HMHB1: variants seen among roughly 807,000 people sequenced by gnomAD.
The protein encoded by HMHB1 is histocompatibility minor HB-1.
In HMHB1, 4 loss-of-function variants were observed where a neutral mutation model predicts 2.4. The ratio of observed to expected loss-of-function variants is 1.65; its 90% confidence interval spans 0.81 to 3.77. The LOEUF is 3.77. HMHB1 is among the 30% of genes most tolerant of loss of function. The pLI is 0.01. For synonymous variants in HMHB1, 22 were observed against 17.6 expected (o/e 1.25, Z -0.63); for missense variants, 57 against 44.2 (o/e 1.29, Z -0.82).
rs2126795248 is a variant in HMHB1 at position 143,820,638 on chromosome 5, TGAA to T, written c.*76_*78del. On this transcript the variant is annotated 3_prime_UTR_variant, in exon 2 of 2. Transcript: ENST00000289448. ...ATGAGCAGGGACAAATTGCTGAGCA[TGAA>T]GAAGAGTAAAATTAAGCAAGTGGAA... The T allele has an allele frequency of 1.0e-6, 1 of 959,940 alleles. No individual in the cohort carries two copies. Among genetic ancestry groups the T allele is most frequent in the Non-Finnish European group, 1.7e-6 (1 of 590,544 alleles). The allele number at this position is 959,940 out of a possible 1,614,324, so 59.5% of individuals were successfully genotyped here.
intron 1 of HMHB1, among the ~76,000 whole-genome samples, chr5:143,814,669 A>C (rs935672201): frequency 2.0e-5 from 3 of 152,196 alleles, no homozygotes; most frequent in African/African-American, 7.2e-5. Context: ...AATCGTCTCT[A>C]ATTATATTTA....
At chr5:143,814,038 A>T (rs940817573) in intron 1 of HMHB1, among the ~76,000 whole-genome samples, 5 of 152,178 alleles carry the variant, frequency 3.3e-5, no homozygotes, top group African/African-American at 9.7e-5. Context: ...CATCATTCTT[A>T]CTGACATGCA....
At chr5:143,817,410 A>G (rs1759760229) in intron 1 of HMHB1, among the ~76,000 whole-genome samples, 3 of 152,132 alleles carry the variant, frequency 2.0e-5, no homozygotes, top group African/African-American at 4.8e-5. Flanking sequence ...ATCCAGTTTC[A>G]TTCTCCTACA....
intron 1 of HMHB1, among the ~76,000 whole-genome samples, chr5:143,812,849 A>G (rs1561936371): frequency 6.6e-6 from 1 of 152,168 alleles, no homozygotes; most frequent in African/African-American, 2.4e-5. Context: ...TGAGGGGGGT[A>G]TAGCTTTCCC....
chr5:143,815,681 C>T (rs1759739613), intron 1 of HMHB1, among the ~76,000 whole-genome samples: 1 of 150,632 alleles, frequency 6.6e-6, no homozygotes, highest in Non-Finnish European at 1.5e-5. Context: ...GTGAGCGCCA[C>T]CATGCCTGGC....
At chr5:143,818,143 T>C (rs1759769438) in intron 1 of HMHB1, among the ~76,000 whole-genome samples, 2 of 152,180 alleles carry the variant, frequency 1.3e-5, no homozygotes, top group African/African-American at 4.8e-5. Context: ...TGCAATTCTG[T>C]TCAAAAAATT....
In HMHB1 at chr5:143,820,540, A is replaced by T; in HGVS notation, c.98A>T (p.His33Leu). 6.2e-7 allele frequency: 1 copy of T among 1,613,000 alleles called. No individual in the cohort carries two copies. Among genetic ancestry groups the T allele is most frequent in the Non-Finnish European group, 8.5e-7 (1 of 1,179,120 alleles). The change falls in exon 2 of 2, where the codon CAC becomes CTC. Residue 33 changes from histidine to leucine, a missense_variant. Transcript: ENST00000289448. ...GTTGAAGATGATGTGTATCTGAGGC[A>T]CAGCTCTTCCCTGACTTATAGGCTT... is the stretch of plus-strand genomic sequence containing the variant.
intron 1 of HMHB1, among the ~76,000 whole-genome samples, chr5:143,815,518 T>C (rs71590969): frequency 6.6e-6 from 1 of 151,782 alleles, no homozygotes; most frequent in Non-Finnish European, 1.5e-5. Context: ...TTTTTCCTTG[T>C]ATTTTTTTCT....
rs1759775207 is a variant in HMHB1 at position 143,818,749 on chromosome 5, A to G, written c.38-1731A>G. ...GTGTTTAGCCAGTTGCTTGACACATAGCGAGTACTTGCTATTTTTTTTTTC... is the reference window on the plus strand; with the variant it reads ...GTGTTTAGCCAGTTGCTTGACACATGGCGAGTACTTGCTATTTTTTTTTTC... On this transcript the variant is annotated intron_variant, in intron 1 of 1. Coordinates refer to ENST00000289448, the MANE Select transcript of HMHB1 (RefSeq NM_021182.3). Among the ~76,000 whole-genome samples, 4 of 152,286 alleles carry G rather than the reference A, an allele frequency of 2.6e-5. 1 individual carries two copies. The highest frequency in any genetic ancestry group is 5.9e-5 in the Non-Finnish European group (4 of 68,026).
At chr5:143,818,563 A>C (rs748146039) in intron 1 of HMHB1, among the ~76,000 whole-genome samples, 3 of 152,242 alleles carry the variant, frequency 2.0e-5, no homozygotes, top group Admixed American at 2.0e-4. Context: ...CCAGAGCCCA[A>C]GCCCAATAGC....
At chr5:143,814,112 A>C (rs1581010640) in intron 1 of HMHB1, among the ~76,000 whole-genome samples, 1 of 152,234 alleles carries the variant, frequency 6.6e-6, no homozygotes, top group Non-Finnish European at 1.5e-5. Context: ...TTAAAAATGT[A>C]GCCATTGGCA....
chr5:143,812,370 T>C, intron 1 of HMHB1, 66 bp downstream of exon 1: 1 of 1,417,382 alleles, frequency 7.1e-7, no homozygotes, highest in East Asian at 2.5e-5. Flanking sequence ...GCAGAGAAAA[T>C]GAAAGAAAAT....
chr5:143,814,807 T>C (rs1026266659), intron 1 of HMHB1, among the ~76,000 whole-genome samples: 1 of 152,236 alleles, frequency 6.6e-6, no homozygotes, highest in Non-Finnish European at 1.5e-5. Context: ...TCTCCTACTT[T>C]CTCAAAATGG....
At chr5:143,817,283 G>A (rs1047887625) in intron 1 of HMHB1, among the ~76,000 whole-genome samples, 1 of 152,110 alleles carries the variant, frequency 6.6e-6, no homozygotes, top group African/African-American at 2.4e-5. Flanking sequence ...CCTTGCCTAA[G>A]CCAATGTCTA....
intron 1 of HMHB1, among the ~76,000 whole-genome samples, chr5:143,818,765 T>C (rs1759775555): frequency 6.8e-6 from 1 of 146,150 alleles, no homozygotes; most frequent in Non-Finnish European, 1.5e-5. Flanking sequence ...TACTTGCTAT[T>C]TTTTTTTTCT....
chr5:143,814,477 T>C (rs1026612486), intron 1 of HMHB1, among the ~76,000 whole-genome samples: 1 of 152,224 alleles, frequency 6.6e-6, no homozygotes, highest in Non-Finnish European at 1.5e-5. Context: ...ACAAATGCTC[T>C]TTCCATTTTT....
At chr5:143,820,442 G>A (rs1179318500) in intron 1 of HMHB1, 38 bp from the exon 2 acceptor site, 5 of 1,198,528 alleles carry the variant, frequency 4.2e-6, no homozygotes, top group Non-Finnish European at 4.9e-6. Context: ...CTGAGAAGTT[G>A]TAAGCTCAAG....
At chr5:143,820,384 T>C (rs1759800427) in intron 1 of HMHB1, 96 bp from the exon 2 acceptor site, 3 of 377,672 alleles carry the variant, frequency 7.9e-6, no homozygotes, top group South Asian at 3.8e-5. Flanking sequence ...CTAACACAAG[T>C]CCTCTTTACT....
chr5:143,813,800 A>G (rs979025913), intron 1 of HMHB1, among the ~76,000 whole-genome samples: 9 of 152,246 alleles, frequency 5.9e-5, no homozygotes, highest in Non-Finnish European at 1.2e-4. Flanking sequence ...AGTAATAAAT[A>G]TGAACATACC....
Sources: allele counts gnomAD v4.1 joint callset (sites outside exome capture counted in the v4.1 genomes callset), GRCh38; gene constraint gnomAD v4.1.1; transcripts MANE v1.5; gene names NCBI Gene and HGNC (gene_info 2026-07-23, HGNC 2026-07-21).